CCDC88A: variants seen among roughly 807,000 people sequenced by gnomAD.
The protein encoded by CCDC88A is coiled-coil and HOOK domain protein 88A, also known as girdin.
In CCDC88A, 54 loss-of-function variants were observed where a neutral mutation model predicts 234.3. The ratio of observed to expected loss-of-function variants is 0.23; its 90% CI spans 0.19 to 0.29. The LOEUF (loss-of-function observed/expected upper bound fraction) is 0.29. Ranked by LOEUF, CCDC88A falls within the 10% of genes least tolerant of loss-of-function variation. CCDC88A has a pLI of 1.00. For synonymous variants in CCDC88A, 753 were observed against 737.8 expected (o/e 1.02, Z -0.33); for missense variants, 1,832 against 2,123.4 (o/e 0.86, Z 2.70).
At chr2:55,298,388 G>C (rs1680455891) in intron 29 of CCDC88A, among the ~76,000 whole-genome samples, 3 of 151,962 alleles carry the variant, frequency 2.0e-5, no homozygotes. Context: ...AAATGAAGTA[G>C]TGGGAGTGGG....
chr2:55,372,410 G>C (rs1286439947), intron 5 of CCDC88A, 42 bp downstream of exon 5: 1 of 937,022 alleles, frequency 1.1e-6, no homozygotes, highest in African/African-American at 1.7e-5. Flanking sequence ...AATATATAAA[G>C]AGGTTGTTAA....
chr2:55,317,171 T>A lies in CCDC88A; in HGVS notation c.3746+35A>T, dbSNP rs1017693746. ...CATATATATGTATATACTTTCTATA[T>A]AAAATGTTTGTTATATATAATATAT... On this transcript the variant is annotated intron_variant, in intron 21 of 32. Transcript: ENST00000436346. The surrounding 1 kb of genome is among the most constrained non-coding windows in gnomAD (Gnocchi z 4.2). 2 of 955,766 alleles carry A rather than the reference T, an allele frequency of 2.1e-6. No individual in the cohort carries two copies. Among genetic ancestry groups the A allele is most frequent in the African/African-American group, 3.4e-5 (2 of 58,568 alleles). The allele number at this position is 955,766 out of a possible 1,614,324, so 59.2% of individuals were successfully genotyped here.
chr2:55,338,615 G>A (rs1195559750), intron 13 of CCDC88A, among the ~76,000 whole-genome samples: 1 of 152,130 alleles, frequency 6.6e-6, no homozygotes, highest in Non-Finnish European at 1.5e-5. Flanking sequence ...AGGAATAAGG[G>A]CTAATTTCAG....
intron 2 of CCDC88A, chr2:55,399,861 T>G (rs1030203481): frequency 3.3e-5 from 5 of 152,092 alleles, no homozygotes; most frequent in Admixed American, 6.6e-5. Context: ...AAAAATTTCT[T>G]CTATAAAAAG....
intron 25 of CCDC88A, among the ~76,000 whole-genome samples, chr2:55,304,935 A>C (rs1681356497): frequency 6.6e-6 from 1 of 152,234 alleles, no homozygotes; most frequent in African/African-American, 2.4e-5. Context: ...TGACAAACTA[A>C]CAAGTATCAT....
intron 2 of CCDC88A, among the ~76,000 whole-genome samples, chr2:55,400,926 G>C (rs1678508612): frequency 6.6e-6 from 1 of 152,222 alleles, no homozygotes; most frequent in South Asian, 2.1e-4. Flanking sequence ...ATGTCACTAT[G>C]ATACATCTGA....
At chr2:55,349,850 T>G in intron 8 of CCDC88A, 1 of 305,588 alleles carries the variant, frequency 3.3e-6, no homozygotes. Context: ...GTTTTTCTCT[T>G]TCTCTCTTTT....
intron 2 of CCDC88A, among the ~76,000 whole-genome samples, chr2:55,416,334 A>T (rs760349687): frequency 2.4e-4 from 36 of 149,120 alleles, no homozygotes; most frequent in Non-Finnish European, 4.2e-4. Flanking sequence ...AAGAAGACTG[A>T]AAGAAAATTG....
chr2:55,338,390 A>G (rs1163004178), intron 13 of CCDC88A, among the ~76,000 whole-genome samples: 4 of 152,256 alleles, frequency 2.6e-5, no homozygotes, highest in African/African-American at 9.6e-5. Context: ...GGACAGCAGG[A>G]TGAGCATCAC....
At chr2:55,401,470 ATGTGTGTGTATGTATG>A (rs1678658718) in intron 2 of CCDC88A, among the ~76,000 whole-genome samples, 2 of 31,500 alleles carry the variant, frequency 6.3e-5, no homozygotes, top group African/African-American at 1.6e-4. Context: ...ATATATACAT[ATGTGTGTGTATGTATG>A]TGTGTGTGTA....
intron 2 of CCDC88A, among the ~76,000 whole-genome samples, chr2:55,409,950 A>T (rs1010477101): frequency 2.6e-5 from 4 of 151,992 alleles, no homozygotes; most frequent in Non-Finnish European, 5.9e-5. Flanking sequence ...CATATTGGCC[A>T]GGCTGATCTT....
intron 22 of CCDC88A, chr2:55,314,670 G>C (rs996631661): frequency 2.0e-5 from 3 of 152,448 alleles, no homozygotes; most frequent in African/African-American, 7.2e-5. Flanking sequence ...CTCCCAAAGT[G>C]CTGGGATTAC....
intron 2 of CCDC88A, among the ~76,000 whole-genome samples, chr2:55,408,782 C>A (rs937448653): frequency 6.6e-6 from 1 of 152,040 alleles, no homozygotes; most frequent in Non-Finnish European, 1.5e-5. Flanking sequence ...TATAGACTTG[C>A]CCTAAATTCT....
intron 27 of CCDC88A, chr2:55,301,533 G>A (rs1330688882): frequency 4.0e-6 from 2 of 498,616 alleles, no homozygotes; most frequent in Non-Finnish European, 7.0e-6. Flanking sequence ...CAAAACAAGA[G>A]CCTGGGTTGT....
chr2:55,306,551 G>T (rs1422982356), intron 25 of CCDC88A, among the ~76,000 whole-genome samples: 1 of 151,892 alleles, frequency 6.6e-6, no homozygotes, highest in East Asian at 1.9e-4. Context: ...CTAGTTTTTA[G>T]GCTGCTATAC....
chr2:55,344,498 T>A lies in CCDC88A; in HGVS notation c.1058A>T (p.Asn353Ile), dbSNP rs758951422. 1 of 1,547,444 alleles carries A rather than the reference T, an allele frequency of 6.5e-7. No individual in the cohort carries two copies. Among genetic ancestry groups the A allele is most frequent in the Admixed American group, 1.8e-5 (1 of 54,454 alleles). The change falls in exon 11 of 33, where the codon AAT becomes ATT. Residue 353 changes from asparagine (N) to isoleucine (I), a missense_variant. Physicochemically the swap from Asn to Ile is moderately radical, Grantham distance 149. Coordinates refer to ENST00000436346, the MANE Select transcript of CCDC88A (RefSeq NM_001365480.1). Reference sequence around the variant, plus strand: ...GGTTTTTGTTTCTAATAAAACTTGATTGTCTTCTTTTAATTCCTATAAATG... The same window carrying A: ...GGTTTTTGTTTCTAATAAAACTTGAATGTCTTCTTTTAATTCCTATAAATG... ...KARVEELKED[N>I]QVLLETKTML...
chr2:55,319,150 C>A (rs73939905), intron 18 of CCDC88A, 146 bp from the exon 19 acceptor site: 23,972 of 596,358 alleles, frequency 0.04, 1,975 homozygotes, highest in African/African-American at 0.25. Context: ...AGAAAAAAAA[C>A]CAAAACATTT....
chr2:55,357,609 C>A (rs1670763787), intron 7 of CCDC88A, among the ~76,000 whole-genome samples: 1 of 152,170 alleles, frequency 6.6e-6, no homozygotes, highest in African/African-American at 2.4e-5. Context: ...AGCTGTACTA[C>A]TATTCTAGAA....
chr2:55,386,216 C>A (rs1412116644), intron 3 of CCDC88A, among the ~76,000 whole-genome samples: 2 of 32,946 alleles, frequency 6.1e-5, no homozygotes, highest in African/African-American at 1.6e-4. Context: ...GAGCAAAACT[C>A]CGTCTCAAAA....
Sources: gnomAD v4.1 joint callset for allele counts (sites outside exome capture counted in the v4.1 genomes callset) on GRCh38, gnomAD v4.1.1 for gene constraint, Gnocchi (gnomAD v3.1) non-coding constraint, MANE v1.5 for transcripts, NCBI Gene and HGNC (gene_info 2026-07-23, HGNC 2026-07-21) for gene names.